The following TRPM3 variants were observed in gnomAD, a reference collection of about 807,000 sequenced individuals.
TRPM3 encodes transient receptor potential cation channel subfamily M member 3.
In TRPM3, 77 loss-of-function variants were observed where a neutral mutation model predicts 181.2. The ratio of observed to expected loss-of-function variants is 0.42; its 90% CI spans 0.35 to 0.51. The LOEUF is 0.51. Among genes scored for constraint, TRPM3 ranks in the 20% least tolerant of loss-of-function variants. The pLI, the probability that TRPM3 is intolerant of heterozygous loss-of-function variation, is 0.01. For synonymous variants in TRPM3, 745 were observed against 796.4 expected (o/e 0.94, Z 1.09); for missense variants, 1,759 against 2,196.7 (o/e 0.80, Z 3.98).
chr9:70,942,960 G>A (rs573357725), intron 1 of TRPM3, among the ~76,000 whole-genome samples: 1 of 152,104 alleles, frequency 6.6e-6, no homozygotes, highest in Non-Finnish European at 1.5e-5. Flanking sequence ...ACAAGCACCT[G>A]GCCATCAAGA....
intron 6 of TRPM3, among the ~76,000 whole-genome samples, chr9:70,805,026 A>G (rs2090319002): frequency 1.3e-5 from 2 of 152,134 alleles, no homozygotes; most frequent in South Asian, 2.1e-4. Context: ...GCATGGGAGT[A>G]CCAGAGCCAC....
intron 1 of TRPM3, among the ~76,000 whole-genome samples, chr9:71,097,035 C>T (rs1221710082): frequency 6.6e-6 from 1 of 152,102 alleles, no homozygotes; most frequent in African/African-American, 2.4e-5. Flanking sequence ...ATTTGGCCAG[C>T]GCCCAGGCAA....
chr9:70,863,435 T>C (rs1369307094), intron 2 of TRPM3, among the ~76,000 whole-genome samples: 1 of 152,184 alleles, frequency 6.6e-6, no homozygotes, highest in Non-Finnish European at 1.5e-5. Flanking sequence ...TGGATTTCTC[T>C]ACTTCTCACT....
intron 1 of TRPM3, among the ~76,000 whole-genome samples, chr9:71,421,461 C>A (rs561343431): frequency 6.6e-6 from 1 of 151,918 alleles, no homozygotes; most frequent in African/African-American, 2.4e-5. Context: ...CCTCCTTTCT[C>A]TACCAGGAAA....
chr9:70,640,708 A>G, intron 9 of TRPM3, 48 bp from the exon 10 acceptor site: 1 of 1,466,604 alleles, frequency 6.8e-7, no homozygotes, highest in East Asian at 2.3e-5. Flanking sequence ...GAAAACGACG[A>G]TCAGTTATTA....
intron 25 of TRPM3, 28 bp from the exon 26 acceptor site, chr9:70,537,433 A>G: frequency 1.4e-6 from 2 of 1,417,870 alleles, no homozygotes; most frequent in South Asian, 1.8e-5. Context: ...AATGAGAGTC[A>G]CTCGGCCTGG....
intron 1 of TRPM3, among the ~76,000 whole-genome samples, chr9:71,226,582 G>T (rs2080672501): frequency 6.6e-6 from 1 of 151,988 alleles, no homozygotes; most frequent in Non-Finnish European, 1.5e-5. Flanking sequence ...AAGAGACAAA[G>T]AAGGTTATTA....
rs867410590 is a variant in TRPM3, at chr9:71,149,596, A to G, written c.184-285085T>C. Among the ~76,000 whole-genome samples, 4 of 152,198 alleles carry G rather than the reference A, an allele frequency of 2.6e-5. No homozygotes were observed. In the South Asian group the frequency reaches 8.3e-4, roughly 31 times the overall value. On this transcript the variant is annotated intron_variant, in intron 1 of 24. Coordinates refer to the TRPM3 transcript ENST00000357533. ...TGTGAGTTAAACAGGTAATAAAGAT[A>G]AATAATGAAAATCCACTTGGAAATG... is the stretch of plus-strand genomic sequence containing the variant.
chr9:71,169,275 A>T (rs1214399796), intron 1 of TRPM3, among the ~76,000 whole-genome samples: 1 of 152,178 alleles, frequency 6.6e-6, no homozygotes, highest in Non-Finnish European at 1.5e-5. Context: ...TCCAGGTCAA[A>T]TGTGACCCTC....
At chr9:71,240,993 G>C (rs931970710) in intron 1 of TRPM3, among the ~76,000 whole-genome samples, 1 of 152,098 alleles carries the variant, frequency 6.6e-6, no homozygotes. Flanking sequence ...CGAACATTAT[G>C]TTCCTTTAAA....
At chr9:71,052,701 C>A (rs1402763910) in intron 1 of TRPM3, among the ~76,000 whole-genome samples, 3 of 151,950 alleles carry the variant, frequency 2.0e-5, no homozygotes, top group Admixed American at 2.0e-4. Flanking sequence ...AGGTATCATT[C>A]CAAAACAAAC....
chr9:70,766,628 G>A (rs2079183282), intron 7 of TRPM3, among the ~76,000 whole-genome samples: 2 of 146,136 alleles, frequency 1.4e-5, no homozygotes, highest in African/African-American at 2.4e-5. Flanking sequence ...ATTACTAAAT[G>A]TTATATTAAG....
chr9:71,425,100 C>CTCT (rs140883169), intron 1 of TRPM3, among the ~76,000 whole-genome samples: 1 of 151,794 alleles, frequency 6.6e-6, no homozygotes, highest in African/African-American at 2.4e-5. Flanking sequence ...CTACATATGT[C>CTCT]TCTGGTTTTT....
At chr9:70,894,540 C>T (rs2096255096) in intron 1 of TRPM3, among the ~76,000 whole-genome samples, 1 of 152,156 alleles carries the variant, frequency 6.6e-6, no homozygotes, top group African/African-American at 2.4e-5. Flanking sequence ...TGAGCACCTA[C>T]CATGTACCAG....
upstream of TRPM3, among the ~76,000 whole-genome samples, chr9:71,125,637 A>G (rs1269327467): frequency 6.6e-6 from 1 of 152,210 alleles, no homozygotes; most frequent in Non-Finnish European, 1.5e-5. Context: ...TGCTATTGTG[A>G]GTAGTGCTGC....
intron 14 of TRPM3, among the ~76,000 whole-genome samples, chr9:70,624,228 G>A (rs1230615360): frequency 6.6e-6 from 1 of 152,160 alleles, no homozygotes; most frequent in African/African-American, 2.4e-5. Context: ...ACCAATCTAT[G>A]ATGTTACAAG....
At chr9:70,963,781 T>C (rs1255572126) in intron 1 of TRPM3, among the ~76,000 whole-genome samples, 1 of 151,986 alleles carries the variant, frequency 6.6e-6, no homozygotes, top group Non-Finnish European at 1.5e-5. Context: ...ATCTTGAAAG[T>C]GGGTGAATAA....
At chr9:71,015,193 T>G (rs1446419156) in intron 1 of TRPM3, among the ~76,000 whole-genome samples, 1 of 152,194 alleles carries the variant, frequency 6.6e-6, no homozygotes, top group Non-Finnish European at 1.5e-5. Flanking sequence ...TATTTAAAAT[T>G]ATTGTACCTT....
chr9:71,344,950 C>T (rs375294811), intron 1 of TRPM3, among the ~76,000 whole-genome samples: 3 of 152,128 alleles, frequency 2.0e-5, no homozygotes, highest in South Asian at 2.1e-4. Flanking sequence ...ACAGACATTG[C>T]TCAAGAGAAG....
Sources: gnomAD v4.1 joint callset for allele counts (sites outside exome capture counted in the v4.1 genomes callset) on GRCh38, gnomAD v4.1.1 for gene constraint, MANE v1.5 for transcripts, NCBI Gene and HGNC (gene_info 2026-07-23, HGNC 2026-07-21) for gene names.